KCNH1: variants seen among roughly 807,000 people sequenced by gnomAD.
KCNH1 encodes voltage-gated delayed rectifier potassium channel KCNH1.
KCNH1 carries 27 observed loss-of-function variants against 69.2 expected under a neutral mutation model. The observed-to-expected ratio is 0.39, with a 90% confidence interval of 0.29 to 0.54. KCNH1 has a LOEUF of 0.54. KCNH1 is among the 20% of genes least tolerant of loss of function. The pLI is 0.68. For synonymous variants in KCNH1, 456 were observed against 487.7 expected (o/e 0.93, Z 0.86); for missense variants, 798 against 1,261.6 (o/e 0.63, Z 5.57).
intron 6 of KCNH1, among the ~76,000 whole-genome samples, chr1:210,928,578 G>A (rs1253943449): frequency 6.6e-6 from 1 of 152,140 alleles, no homozygotes; most frequent in Non-Finnish European, 1.5e-5. Flanking sequence ...GTGTTAAGAG[G>A]AAAGTTCATA....
intron 2 of KCNH1, among the ~76,000 whole-genome samples, chr1:211,106,608 A>AC (rs374744963): frequency 1.4e-5 from 2 of 139,130 alleles, no homozygotes; most frequent in African/African-American, 5.4e-5. Context: ...ACATGGTGAA[A>AC]CCCCCATCTC....
intron 1 of KCNH1, among the ~76,000 whole-genome samples, chr1:211,130,191 T>C (rs1255259167): frequency 6.6e-6 from 1 of 152,200 alleles, no homozygotes; most frequent in Admixed American, 6.5e-5. Context: ...GCCAGTAGGA[T>C]TTAAAATGAT....
chr1:210,804,885 G>C (rs942025135), intron 7 of KCNH1, among the ~76,000 whole-genome samples: 3 of 152,136 alleles, frequency 2.0e-5, no homozygotes, highest in African/African-American at 7.2e-5. Context: ...ATAAAATCAA[G>C]TCCCCTTTGA....
chr1:210,727,639 TTC>T (rs34242970), intron 10 of KCNH1, among the ~76,000 whole-genome samples: 32,159 of 152,058 alleles, frequency 0.21, 4,193 homozygotes, highest in African/African-American at 0.37. Flanking sequence ...AAGATTACCC[TTC>T]TCTCAAACAA....
chr1:210,870,350 C>T (rs1686212366), intron 7 of KCNH1, among the ~76,000 whole-genome samples: 1 of 152,170 alleles, frequency 6.6e-6, no homozygotes, highest in East Asian at 1.9e-4. Flanking sequence ...CAGTGATGTG[C>T]AATATCCAAG....
intron 5 of KCNH1, among the ~76,000 whole-genome samples, chr1:211,053,320 A>G (rs1690239091): frequency 1.3e-5 from 2 of 152,220 alleles, no homozygotes; most frequent in South Asian, 4.1e-4. Flanking sequence ...CATTTCTACC[A>G]AACACATTGA....
At chr1:211,122,908 C>A (rs1691714067) in intron 1 of KCNH1, among the ~76,000 whole-genome samples, 1 of 150,786 alleles carries the variant, frequency 6.6e-6, no homozygotes, top group Non-Finnish European at 1.5e-5. Flanking sequence ...ATGTATGTAA[C>A]AAACCTGCAC....
chr1:210,730,680 GGCAGCAAGCAAAAGTGAATGTA>G (rs1682725375), intron 10 of KCNH1, among the ~76,000 whole-genome samples: 1 of 152,138 alleles, frequency 6.6e-6, no homozygotes. Context: ...GGTCAGATGT[GGCAGCAAGCAAAAGTGAATGTA>G]AGCAGTCTGG....
intron 3 of KCNH1, among the ~76,000 whole-genome samples, chr1:211,101,455 T>A (rs1037101798): frequency 6.6e-6 from 1 of 152,224 alleles, no homozygotes; most frequent in Non-Finnish European, 1.5e-5. Flanking sequence ...ATTATCTGCA[T>A]CATTTCCTTA....
chr1:210,754,327 T>C (rs1436091910), intron 10 of KCNH1, among the ~76,000 whole-genome samples: 1 of 152,108 alleles, frequency 6.6e-6, no homozygotes, highest in East Asian at 1.9e-4. Flanking sequence ...TTTGGGATGA[T>C]TGGATCCAAG....
chr1:210,944,989 C>G (rs1299591614), intron 6 of KCNH1, among the ~76,000 whole-genome samples: 1 of 152,186 alleles, frequency 6.6e-6, no homozygotes, highest in Non-Finnish European at 1.5e-5. Context: ...TTCTAGAAAC[C>G]TATATAAGTG....
intron 7 of KCNH1, among the ~76,000 whole-genome samples, chr1:210,823,271 T>G (rs541864638): frequency 3.9e-4 from 59 of 151,958 alleles, no homozygotes; most frequent in Non-Finnish European, 8.2e-4. Context: ...AATTTGAAAG[T>G]CAATAAGTCA....
At chr1:211,122,371 G>C (rs1691704236) in intron 1 of KCNH1, among the ~76,000 whole-genome samples, 2 of 152,182 alleles carry the variant, frequency 1.3e-5, no homozygotes, top group African/African-American at 4.8e-5. Context: ...CTTTTACACT[G>C]TTGTTGGGAA....
chr1:211,013,173 G>A (rs1689425460), intron 6 of KCNH1, among the ~76,000 whole-genome samples: 1 of 152,204 alleles, frequency 6.6e-6, no homozygotes, highest in African/African-American at 2.4e-5. Flanking sequence ...AGGACTGACA[G>A]CCATAAGTTA....
chr1:210,791,898 G>T (rs1041735392), intron 9 of KCNH1, among the ~76,000 whole-genome samples: 66 of 152,238 alleles, frequency 4.3e-4, no homozygotes, highest in African/African-American at 1.6e-3. Flanking sequence ...TGACAAGGAG[G>T]TGTCCTTCTA....
At chr1:210,714,154 G>A (rs2149019296) in intron 10 of KCNH1, among the ~76,000 whole-genome samples, 2 of 152,316 alleles carry the variant, frequency 1.3e-5, no homozygotes, top group East Asian at 3.9e-4. Context: ...GCTCTGGGCT[G>A]TAGACTTGCA....
chr1:210,857,161 A>G (rs1337199597), intron 7 of KCNH1, among the ~76,000 whole-genome samples: 2 of 151,948 alleles, frequency 1.3e-5, no homozygotes, highest in African/African-American at 2.4e-5. Context: ...ACTGGCTTAG[A>G]GCACATACAG....
At chr1:210,692,425 G>C (rs1241293784) in intron 10 of KCNH1, among the ~76,000 whole-genome samples, 1 of 152,190 alleles carries the variant, frequency 6.6e-6, no homozygotes, top group African/African-American at 2.4e-5. Flanking sequence ...TGCTGTGCAA[G>C]AGTTGCTATC....
intron 7 of KCNH1, among the ~76,000 whole-genome samples, chr1:210,910,759 A>G (rs1480509610): frequency 6.6e-6 from 1 of 152,266 alleles, no homozygotes; most frequent in East Asian, 1.9e-4. Context: ...AGGTGAATAA[A>G]GAATGTGTAT....
Sources: gnomAD v4.1 joint callset for allele counts (sites outside exome capture counted in the v4.1 genomes callset) on GRCh38, gnomAD v4.1.1 for gene constraint, MANE v1.5 for transcripts, NCBI Gene and HGNC (gene_info 2026-07-23, HGNC 2026-07-21) for gene names.